Variants in MBD5 observed in about 807,000 individuals in gnomAD.
MBD5 encodes the protein methyl-CpG binding domain protein 5.
In MBD5, 13 loss-of-function variants were observed where a neutral mutation model predicts 117.3. The observed-to-expected ratio is 0.11, with a 90% CI of 0.07 to 0.18. The LOEUF is 0.18. Ranked by LOEUF, MBD5 falls within the 10% of genes least tolerant of loss-of-function variation. The pLI, the probability that MBD5 is intolerant of heterozygous loss-of-function variation, is 1.00. For synonymous variants in MBD5, 727 were observed against 766.4 expected, an observed-to-expected ratio of 0.95 and a Z score of 0.85; for missense variants, 1,879 against 2,093.8, an observed-to-expected ratio of 0.90 and a Z score of 2.00.
chr2:148,373,111 C>T (rs1301246222), intron 4 of MBD5, among the ~76,000 whole-genome samples: 2 of 151,996 alleles, frequency 1.3e-5, no homozygotes, highest in Non-Finnish European at 2.9e-5. Flanking sequence ...ATTTTAACTT[C>T]GGTGAATAAA....
At chr2:148,281,594 T>C (rs2106384282) in intron 3 of MBD5, among the ~76,000 whole-genome samples, 1 of 152,284 alleles carries the variant, frequency 6.6e-6, no homozygotes, top group South Asian at 2.1e-4. Flanking sequence ...TCATGATCTT[T>C]CAATTGTGTT....
chr2:148,469,393 A>G lies in MBD5; in HGVS notation c.1450A>G (p.Ser484Gly), dbSNP rs749207931. Residue 484 changes from serine (S) to glycine (G), a missense_variant, in exon 8 of 14, where the codon AGT becomes GGT. Transcript: ENST00000642680. ...ACCTGTAGGACCCCAGGCCACTTCTAGTGGTATTAAGGTTCCACCCAGGTC... is the reference window on the plus strand; with the variant it reads ...ACCTGTAGGACCCCAGGCCACTTCTGGTGGTATTAAGGTTCCACCCAGGTC... The part of the protein sequence containing the change: ...MPPVGPQATS[S>G]GIKVPPRSPR... 1.2e-6 allele frequency: 2 copies of G among 1,613,810 alleles called. No individual in the cohort carries two copies. Among genetic ancestry groups the G allele is most frequent in the East Asian group, 2.2e-5 (1 of 44,850 alleles).
At chr2:148,291,291 G>T (rs144514212) in intron 3 of MBD5, among the ~76,000 whole-genome samples, 40 of 152,256 alleles carry the variant, frequency 2.6e-4, no homozygotes, top group African/African-American at 9.1e-4. Flanking sequence ...TCAATTTGGA[G>T]AATTTTATCA....
At chr2:148,305,730 G>A (rs1011775193) in intron 3 of MBD5, among the ~76,000 whole-genome samples, 1 of 152,196 alleles carries the variant, frequency 6.6e-6, no homozygotes, top group Non-Finnish European at 1.5e-5. Context: ...GGCAGTTTTA[G>A]TTCTTAGTGA....
At chr2:148,427,493 C>T (rs1245522907) in intron 4 of MBD5, among the ~76,000 whole-genome samples, 2 of 152,100 alleles carry the variant, frequency 1.3e-5, no homozygotes, top group African/African-American at 2.4e-5. Flanking sequence ...TTTGTAGGGA[C>T]ATGGATGAAG....
At chr2:148,236,472 A>G (rs1005215874) in intron 3 of MBD5, among the ~76,000 whole-genome samples, 8 of 152,178 alleles carry the variant, frequency 5.3e-5, no homozygotes, top group African/African-American at 1.9e-4. Flanking sequence ...CTCCTTGTAT[A>G]TCTTCATCAC....
At chr2:148,140,853 C>T (rs1697296072) in intron 1 of MBD5, among the ~76,000 whole-genome samples, 1 of 151,896 alleles carries the variant, frequency 6.6e-6, no homozygotes, top group Admixed American at 6.6e-5. Flanking sequence ...GCAACCTCTG[C>T]CTCCTGGGCT....
At chr2:148,328,258 G>T (rs1268786961) in intron 3 of MBD5, among the ~76,000 whole-genome samples, 1 of 151,992 alleles carries the variant, frequency 6.6e-6, no homozygotes, top group African/African-American at 2.4e-5. Flanking sequence ...GTCAGACAGG[G>T]ACATTTAAGT....
At chr2:148,281,570 A>AT (rs1389451241) in intron 3 of MBD5, among the ~76,000 whole-genome samples, 1 of 151,250 alleles carries the variant, frequency 6.6e-6, no homozygotes, top group African/African-American at 2.4e-5. Flanking sequence ...TTCCTCTTGC[A>AT]TTTTTTTAAA....
chr2:148,418,874 T>A (rs776602231), intron 4 of MBD5, among the ~76,000 whole-genome samples: 3 of 151,820 alleles, frequency 2.0e-5, no homozygotes, highest in Non-Finnish European at 4.4e-5. Context: ...GAAAAAAAAA[T>A]TCTGAAATTC....
chr2:148,214,467 G>A (rs1699504245), intron 2 of MBD5, among the ~76,000 whole-genome samples: 1 of 152,198 alleles, frequency 6.6e-6, no homozygotes, highest in African/African-American at 2.4e-5. Context: ...TCCATGGGCT[G>A]AAGTTTGCCA....
chr2:148,155,912 A>G (rs562661758), intron 1 of MBD5, among the ~76,000 whole-genome samples: 1 of 152,302 alleles, frequency 6.6e-6, no homozygotes, highest in South Asian at 2.1e-4. Context: ...AGTAAGCTAT[A>G]CTCCTGTTAC....
chr2:148,363,702 C>G (rs1703611622), intron 4 of MBD5, among the ~76,000 whole-genome samples: 1 of 151,936 alleles, frequency 6.6e-6, no homozygotes, highest in Non-Finnish European at 1.5e-5. Context: ...GAAGCATACA[C>G]AAGTATCAAT....
At chr2:148,290,567 A>C (rs1701477832) in intron 3 of MBD5, among the ~76,000 whole-genome samples, 2 of 152,084 alleles carry the variant, frequency 1.3e-5, no homozygotes, top group South Asian at 4.1e-4. Context: ...ATACTAAGCC[A>C]TTTAGTGACT....
At chr2:148,382,260 A>C (rs1171190050) in intron 4 of MBD5, among the ~76,000 whole-genome samples, 1 of 151,954 alleles carries the variant, frequency 6.6e-6, no homozygotes, top group Non-Finnish European at 1.5e-5. Context: ...ATGGAGGAAG[A>C]TCTACCAAGC....
At chr2:148,356,724 T>A (rs1225236827) in intron 4 of MBD5, among the ~76,000 whole-genome samples, 10 of 152,136 alleles carry the variant, frequency 6.6e-5, no homozygotes, top group Non-Finnish European at 1.0e-4. Flanking sequence ...TCTTTCCAAC[T>A]CTCCATTATA....
chr2:148,060,537 T>C (rs2105821973), intron 1 of MBD5, among the ~76,000 whole-genome samples: 1 of 152,328 alleles, frequency 6.6e-6, no homozygotes, highest in African/African-American at 2.4e-5. Context: ...AGGCATGGAC[T>C]GTTCTCACAT....
At chr2:148,270,979 T>A (rs1700972404) in intron 3 of MBD5, among the ~76,000 whole-genome samples, 1 of 152,160 alleles carries the variant, frequency 6.6e-6, no homozygotes, top group Non-Finnish European at 1.5e-5. Flanking sequence ...TATTTACCAG[T>A]ATTTTAAGGA....
intron 3 of MBD5, among the ~76,000 whole-genome samples, chr2:148,280,314 T>G (rs773126053): frequency 6.6e-6 from 1 of 152,192 alleles, no homozygotes; most frequent in Non-Finnish European, 1.5e-5. Context: ...AGAATTTAAT[T>G]CACCTTTGTA....
Sources: allele counts gnomAD v4.1 joint callset (sites outside exome capture counted in the v4.1 genomes callset), GRCh38; gene constraint gnomAD v4.1.1; transcripts MANE v1.5; gene names NCBI Gene and HGNC (gene_info 2026-07-23, HGNC 2026-07-21).